Variants in ESR1 observed in about 807,000 individuals in gnomAD.
ESR1 encodes estrogen receptor.
A neutral mutation model predicts 52.7 loss-of-function variants in ESR1; 12 were observed. The observed-to-expected ratio is 0.23, with a 90% CI of 0.15 to 0.37. The LOEUF is 0.37. Among genes scored for constraint, ESR1 ranks in the 10% least tolerant of loss-of-function variants. The pLI is 1.00. For missense variants in ESR1, 584 were observed against 779.7 expected, an observed-to-expected ratio of 0.75 and a Z score of 2.99; for synonymous variants, 305 against 316.8, an observed-to-expected ratio of 0.96 and a Z score of 0.39.
At chr6:151,809,508 A>G (rs1047256651) in intron 1 of ESR1, among the ~76,000 whole-genome samples, 31 of 152,200 alleles carry the variant, frequency 2.0e-4, no homozygotes, top group African/African-American at 6.3e-4. Context: ...TGGGTCCTGA[A>G]TTAGGCATTT....
chr6:151,793,550 A>G (rs182800033), intron 2 of ESR1, among the ~76,000 whole-genome samples: 2 of 152,344 alleles, frequency 1.3e-5, no homozygotes, highest in East Asian at 3.9e-4. Flanking sequence ...AGACTTTTAT[A>G]CAACTGGTGG....
intron 5 of ESR1, among the ~76,000 whole-genome samples, chr6:152,057,598 G>A (rs1218701334): frequency 9.2e-5 from 14 of 151,916 alleles, no homozygotes; most frequent in Admixed American, 9.2e-4. Flanking sequence ...GTGTTTGCAT[G>A]GAAGGTAGGC....
At chr6:151,767,547 A>C (rs1345660761) in intron 2 of ESR1, among the ~76,000 whole-genome samples, 2 of 152,220 alleles carry the variant, frequency 1.3e-5, no homozygotes, top group Non-Finnish European at 2.9e-5. Context: ...TTCAAAGTTA[A>C]TTTCAAATTA....
At chr6:151,829,453 A>G (rs952611301) in intron 1 of ESR1, among the ~76,000 whole-genome samples, 2 of 152,076 alleles carry the variant, frequency 1.3e-5, no homozygotes, top group Admixed American at 6.6e-5. Context: ...TCATTTTAGC[A>G]TTAGAAACGC....
At chr6:151,826,209 A>G (rs778483481) in intron 1 of ESR1, among the ~76,000 whole-genome samples, 6 of 152,238 alleles carry the variant, frequency 3.9e-5, no homozygotes, top group South Asian at 2.1e-4. Flanking sequence ...TCTGAGCTCA[A>G]TACAAAAAGT....
At chr6:151,728,202 G>A (rs1250896784) in intron 2 of ESR1, among the ~76,000 whole-genome samples, 1 of 152,118 alleles carries the variant, frequency 6.6e-6, no homozygotes, top group African/African-American at 2.4e-5. Flanking sequence ...CTCTATAAAG[G>A]AGGATGATGT....
rs192517469 is a variant in ESR1, at chr6:151,666,564, T to A, written n.73+9801T>A. Among the ~76,000 whole-genome samples the A allele has an allele frequency of 3.9e-3, 595 of 152,276 alleles. 3 individuals carry two copies. Among genetic ancestry groups the A allele is most frequent in the African/African-American group, 0.013 (531 of 41,556 alleles). On this transcript the variant is annotated intron_variant and non_coding_transcript_variant, in intron 1 of 2. Transcript: ENST00000473497. ...TTCTTCTTGATTTAACTCTATGAGC[T>A]CTCTGTTCCTTCAAAGTACTGGAGC...
At chr6:152,030,205 A>G (rs1283630284) in intron 5 of ESR1, among the ~76,000 whole-genome samples, 1 of 152,226 alleles carries the variant, frequency 6.6e-6, no homozygotes, top group Admixed American at 6.5e-5. Flanking sequence ...TGGAAAGACC[A>G]TCGAGGCTAG....
intron 2 of ESR1, among the ~76,000 whole-genome samples, chr6:151,763,727 T>C (rs2504071): frequency 0.47 from 71,482 of 152,078 alleles, 18,259 homozygotes; most frequent in Non-Finnish European, 0.57. Flanking sequence ...AGAGCCCAGG[T>C]GCCTTTCTAA....
intron 1 of ESR1, among the ~76,000 whole-genome samples, chr6:151,840,947 C>T (rs1445638809): frequency 6.6e-6 from 1 of 152,158 alleles, no homozygotes; most frequent in Non-Finnish European, 1.5e-5. Context: ...TTTGATTGCA[C>T]ATGCCTGCCA....
In ESR1 at chr6:152,069,690, C is replaced by T. The variant is rs1335293781; in HGVS notation, c.1369+8566C>T. 1.3e-4 allele frequency among the ~76,000 whole-genome samples: 18 copies of T among 136,698 alleles called. 8 individuals are homozygous for T. The highest frequency in any genetic ancestry group is 5.9e-4 in the African/African-American group (18 of 30,600). The allele number at this position is 136,698 out of a possible 152,430, so 89.7% of individuals were successfully genotyped here. On this transcript the variant is annotated intron_variant, in intron 6 of 7. Coordinates refer to ENST00000206249, the MANE Select transcript of ESR1 (RefSeq NM_000125.4). ...ACACAGCCCAGATCCCTCACATGGGCAGTTCACAGTAGGGTTCACAGCCCT... is the reference window on the plus strand; with the variant it reads ...ACACAGCCCAGATCCCTCACATGGGTAGTTCACAGTAGGGTTCACAGCCCT...
chr6:151,892,047 T>A (rs1320602081), intron 3 of ESR1, among the ~76,000 whole-genome samples: 1 of 152,200 alleles, frequency 6.6e-6, no homozygotes, highest in Non-Finnish European at 1.5e-5. Context: ...AAATGCCCAT[T>A]CTGGTATATA....
chr6:151,731,600 TCAGA>T (rs1479088022), intron 2 of ESR1, among the ~76,000 whole-genome samples: 1 of 152,042 alleles, frequency 6.6e-6, no homozygotes, highest in East Asian at 1.9e-4. Flanking sequence ...ATATAAACCC[TCAGA>T]GAGTTTATGC....
intron 3 of ESR1, among the ~76,000 whole-genome samples, chr6:151,881,608 A>C (rs1792926336): frequency 6.6e-6 from 1 of 152,164 alleles, no homozygotes; most frequent in Non-Finnish European, 1.5e-5. Context: ...AGTGGAAGAG[A>C]ACAAGTAGAA....
At chr6:151,950,131 C>T (rs896630282) in intron 4 of ESR1, among the ~76,000 whole-genome samples, 1 of 152,192 alleles carries the variant, frequency 6.6e-6, no homozygotes, top group African/African-American at 2.4e-5. Context: ...TGCCTTCCAC[C>T]TTCTGCCATG....
At chr6:152,113,257 C>T (rs1279310399) in intron 6 of ESR1, 1 of 152,260 alleles carries the variant, frequency 6.6e-6, no homozygotes, top group African/African-American at 2.4e-5. Flanking sequence ...ATTCTTAGCT[C>T]AAGGGCCTAT....
chr6:152,113,792 A>G (rs1243606127), intron 6 of ESR1, among the ~76,000 whole-genome samples: 1 of 152,134 alleles, frequency 6.6e-6, no homozygotes, highest in Non-Finnish European at 1.5e-5. Flanking sequence ...CCTATACATT[A>G]ATGTATTAAC....
intron 6 of ESR1, among the ~76,000 whole-genome samples, chr6:152,072,987 G>A (rs1487104749): frequency 6.6e-6 from 1 of 152,248 alleles, no homozygotes; most frequent in African/African-American, 2.4e-5. Context: ...CAAGTCCTCT[G>A]AGGATGATGT....
At chr6:151,908,018 G>T (rs56889047) in intron 3 of ESR1, among the ~76,000 whole-genome samples, 1,530 of 152,250 alleles carry the variant, frequency 0.01, 23 homozygotes, top group African/African-American at 0.034. Context: ...TGTGATTCTG[G>T]AAGGGTATGT....
Sources: gnomAD v4.1 joint callset for allele counts (sites outside exome capture counted in the v4.1 genomes callset) on GRCh38, gnomAD v4.1.1 for gene constraint, MANE v1.5 for transcripts, NCBI Gene and HGNC (gene_info 2026-07-23, HGNC 2026-07-21) for gene names.